The following HMG20A variants were observed in gnomAD, a reference collection of about 807,000 sequenced individuals.
The protein encoded by HMG20A is high mobility group protein 20A.
A neutral mutation model predicts 43.9 loss-of-function variants in HMG20A; 17 were observed. The observed-to-expected ratio is 0.39, with a 90% CI of 0.27 to 0.58. The LOEUF is 0.58. Ranked by LOEUF, HMG20A falls within the 20% of genes least tolerant of loss-of-function variation. The pLI is 0.59. For missense variants in HMG20A, 341 were observed against 438.2 expected (o/e 0.78, Z 1.98); for synonymous variants, 132 against 147.5 (o/e 0.89, Z 0.76).
chr15:77,504,322 A>C, the HMG20A span, among the ~76,000 whole-genome samples: 1 of 152,216 alleles, frequency 6.6e-6, no homozygotes, highest in African/African-American at 2.4e-5. Context: ...TCTTCCTTGC[A>C]GGTGCTGAGA....
At chr15:77,433,726 A>G (rs2073514645) in intron 1 of HMG20A, among the ~76,000 whole-genome samples, 1 of 152,266 alleles carries the variant, frequency 6.6e-6, no homozygotes, top group East Asian at 1.9e-4. Context: ...AGATCTTTAC[A>G]CAGAAAACTA....
At chr15:77,498,567 G>A in the HMG20A span, among the ~76,000 whole-genome samples, 1 of 152,182 alleles carries the variant, frequency 6.6e-6, no homozygotes, top group Non-Finnish European at 1.5e-5. Flanking sequence ...AGCCGAAGAA[G>A]TTCTGCATGC....
chr15:77,464,908 C>CT (rs113381963), intron 3 of HMG20A: 55 of 145,830 alleles, frequency 3.8e-4, no homozygotes, highest in African/African-American at 5.0e-4. Context: ...TTAAGGCACT[C>CT]TTTTTTTTTT....
the HMG20A span, among the ~76,000 whole-genome samples, chr15:77,504,860 C>T: frequency 8.2e-4 from 125 of 152,276 alleles, no homozygotes; most frequent in African/African-American, 2.9e-3. Context: ...TAAGTTTCTA[C>T]AGTACTCTGA....
At position 77,464,272 on chromosome 15, in the gene HMG20A, G is replaced by T; in HGVS notation, c.122G>T (p.Gly41Val). ...CACCCAGAGGTTCCATACAGTAGTG[G>T]CGCCACATCATCCACCAACAATCCA... The part of the protein sequence containing the change: ...LNHPEVPYSS[G>V]ATSSTNNPEF... Residue 41 changes from glycine (G) to valine (V), a missense_variant, in exon 3 of 10, where the codon GGC becomes GTC. Gly to Val is a moderately radical substitution (Grantham distance 109, BLOSUM62 -3). Transcript: ENST00000336216. 1 of 1,613,852 alleles carries T rather than the reference G, an allele frequency of 6.2e-7. No homozygotes were observed.
At chr15:77,511,574 C>A in the HMG20A span, among the ~76,000 whole-genome samples, 2 of 152,196 alleles carry the variant, frequency 1.3e-5, no homozygotes, top group African/African-American at 4.8e-5. Flanking sequence ...CTGTGTCCAA[C>A]AACAGAAGAA....
the HMG20A span, among the ~76,000 whole-genome samples, chr15:77,492,123 C>A: frequency 6.6e-6 from 1 of 152,186 alleles, no homozygotes; most frequent in African/African-American, 2.4e-5. Context: ...AAAGGAAATC[C>A]ACTATATTAA....
At chr15:77,497,735 TA>T in the HMG20A span, among the ~76,000 whole-genome samples, 3 of 149,682 alleles carry the variant, frequency 2.0e-5, no homozygotes, top group Non-Finnish European at 4.4e-5. Context: ...GTGGAGATAT[TA>T]GGGGGATGCA....
the HMG20A span, among the ~76,000 whole-genome samples, chr15:77,500,106 C>T: frequency 6.6e-6 from 1 of 152,172 alleles, no homozygotes; most frequent in African/African-American, 2.4e-5. Context: ...GCTGGGATTA[C>T]AAGCGTGAGC....
At chr15:77,517,679 G>A in the HMG20A span, among the ~76,000 whole-genome samples, 1 of 151,792 alleles carries the variant, frequency 6.6e-6, no homozygotes, top group African/African-American at 2.4e-5. Context: ...TCCAGTCGGG[G>A]AGATCACCAG....
chr15:77,458,044 A>G (rs1260052036), intron 1 of HMG20A, among the ~76,000 whole-genome samples: 1 of 152,226 alleles, frequency 6.6e-6, no homozygotes, highest in Non-Finnish European at 1.5e-5. Flanking sequence ...TGTAGCTCAA[A>G]GAGCTTAAAT....
chr15:77,472,697 G>T (rs963309902), intron 6 of HMG20A, among the ~76,000 whole-genome samples: 3 of 152,224 alleles, frequency 2.0e-5, no homozygotes, highest in Non-Finnish European at 2.9e-5. Flanking sequence ...GTGTTTCTGT[G>T]TGTGTATGGG....
At chr15:77,430,663 A>T (rs2073475171) in intron 1 of HMG20A, among the ~76,000 whole-genome samples, 1 of 152,352 alleles carries the variant, frequency 6.6e-6, no homozygotes, top group East Asian at 1.9e-4. Flanking sequence ...AGAGATCTCC[A>T]GGTAGCTAGT....
intron 1 of HMG20A, among the ~76,000 whole-genome samples, chr15:77,430,843 C>T (rs1567389320): frequency 6.6e-6 from 1 of 152,104 alleles, no homozygotes; most frequent in African/African-American, 2.4e-5. Flanking sequence ...GAAACTATTA[C>T]AGAGACATGA....
chr15:77,453,711 A>G (rs1432462019), intron 1 of HMG20A, among the ~76,000 whole-genome samples: 1 of 152,220 alleles, frequency 6.6e-6, no homozygotes, highest in Non-Finnish European at 1.5e-5. Context: ...AAAATGTGCA[A>G]TAGCCATCCA....
chr15:77,465,836 G>C (rs2072752118), intron 3 of HMG20A, among the ~76,000 whole-genome samples: 1 of 152,142 alleles, frequency 6.6e-6, no homozygotes, highest in South Asian at 2.1e-4. Flanking sequence ...TTTTGTCCTT[G>C]TTTATTTATA....
chr15:77,432,590 C>G (rs1391975000), intron 1 of HMG20A, among the ~76,000 whole-genome samples: 1 of 151,860 alleles, frequency 6.6e-6, no homozygotes, highest in African/African-American at 2.4e-5. Context: ...GGCGTAGTGG[C>G]AGGTGCCTGT....
At chr15:77,421,529 C>T (rs2142252909) in intron 1 of HMG20A, among the ~76,000 whole-genome samples, 1 of 152,360 alleles carries the variant, frequency 6.6e-6, no homozygotes, top group East Asian at 1.9e-4. Flanking sequence ...ACCTGCACCC[C>T]TACTCAAGTC....
At chr15:77,506,073 CA>C in the HMG20A span, among the ~76,000 whole-genome samples, 3,038 of 69,682 alleles carry the variant, frequency 0.044, 27 homozygotes, top group South Asian at 0.11. Context: ...GTAGAGTTAG[CA>C]AAAAAAAAAA....
Sources: allele counts gnomAD v4.1 joint callset (sites outside exome capture counted in the v4.1 genomes callset), GRCh38; gene constraint gnomAD v4.1.1; transcripts MANE v1.5; gene names NCBI Gene and HGNC (gene_info 2026-07-23, HGNC 2026-07-21).